Variants in MYLK3 observed in about 807,000 individuals in gnomAD.
MYLK3 encodes the protein MLC kinase.
Under a neutral mutation model 76.3 loss-of-function variants are expected in MYLK3, and 55 were observed. That is an observed-to-expected ratio of 0.72 (90% confidence interval 0.58 to 0.90). The LOEUF (loss-of-function observed/expected upper bound fraction) is 0.90, where lower values mean the gene tolerates loss of function less well. MYLK3 is among the 40% of genes least tolerant of loss of function. The probability of loss-of-function intolerance (pLI) is 0.00; values close to 1 mark genes in which losing one functional copy is unlikely to be tolerated. For synonymous variants in MYLK3, 416 were observed against 425.4 expected (o/e 0.98, Z 0.27); for missense variants, 973 against 1,053.6 (o/e 0.92, Z 1.06).
chr16:46,721,175 C>T lies in MYLK3; in HGVS notation c.1933G>A (p.Val645Ile), dbSNP rs763522795. The change falls in exon 9 of 13, where the codon GTC becomes ATC. Residue 645 changes from valine to isoleucine, a missense_variant. This residue lies in a region of MYLK3 where 332 missense variants were observed against 416.6 expected (regional missense o/e 0.80). Transcript: ENST00000394809. ...LDLKPENILC[V>I]NQTGHQIKII... is the part of the protein sequence containing the mutation. ...TTAATTTGATGTCCTGTCTGATTGA[C>T]GCACAATATGTTCTCCGGCTGGGAA... The T allele has an allele frequency of 2.6e-5, 42 of 1,614,086 alleles. No individual in the cohort carries two copies. The highest frequency in any genetic ancestry group is 1.6e-4 in the Middle Eastern group (1 of 6,084).
At position 46,737,840 on chromosome 16, in the gene MYLK3, C is replaced by A; in HGVS notation, c.872G>T (p.Ser291Ile). Reference protein sequence around the residue: ...APGAGQGASSSRPDPEPLEEG... With the variant: ...APGAGQGASSIRPDPEPLEEG... The stretch of plus-strand genomic sequence containing the variant: ...CTCTAAGGGCTCAGGGTCAGGCCTG[C>A]TGGACGATGCTCCTTGTCCTGCACC... Residue 291 changes from serine (S) to isoleucine (I), a missense_variant, in exon 3 of 13, where the codon AGC (serine) becomes ATC (isoleucine). Coordinates refer to ENST00000394809, the MANE Select transcript of MYLK3 (RefSeq NM_182493.3). The A allele has an allele frequency of 6.2e-7, 1 of 1,613,780 alleles. No individual in the cohort carries two copies. The highest frequency in any genetic ancestry group is 8.5e-7 in the Non-Finnish European group (1 of 1,180,050).
At chr16:46,740,642 C>T (rs962570869) in intron 1 of MYLK3, among the ~76,000 whole-genome samples, 1 of 150,916 alleles carries the variant, frequency 6.6e-6, no homozygotes, top group Non-Finnish European at 1.5e-5. Flanking sequence ...ACCGCTGCCT[C>T]CCAGGTTCAA....
At chr16:46,746,197 A>T (rs1967017668) in intron 1 of MYLK3, among the ~76,000 whole-genome samples, 1 of 152,014 alleles carries the variant, frequency 6.6e-6, no homozygotes, top group South Asian at 2.1e-4. Flanking sequence ...TCACCTCTAG[A>T]TTACTTATAA....
chr16:46,755,373 G>C (rs1967184683), intron 1 of MYLK3, among the ~76,000 whole-genome samples: 1 of 151,786 alleles, frequency 6.6e-6, no homozygotes, highest in African/African-American at 2.4e-5. Flanking sequence ...CAGGAGAATT[G>C]CTTGAACTTG....
upstream of MYLK3, among the ~76,000 whole-genome samples, chr16:46,751,615 G>C (rs1380154725): frequency 6.6e-6 from 1 of 152,186 alleles, no homozygotes; most frequent in Non-Finnish European, 1.5e-5. Flanking sequence ...AATGAGCTAA[G>C]GAGGAGGCAG....
chr16:46,732,597 G>A lies in MYLK3; in HGVS notation c.1073C>T (p.Pro358Leu), dbSNP rs1409946734. The A allele has an allele frequency of 1.3e-6, 2 of 1,587,222 alleles. No individual in the cohort carries two copies. The highest frequency in any genetic ancestry group is 3.5e-5 in the Admixed American group (2 of 57,900). Residue 358 changes from proline to leucine, a missense_variant, in exon 4 of 13, where the codon CCC (proline) becomes CTC (leucine). This residue lies in a region of MYLK3 where 641 missense variants were observed against 637.0 expected (regional missense o/e 1.01). Transcript: ENST00000394809. ...MLMTGRGSLG[P>L]TLTTEAPAAA... ...TGCTGGAGCCTCTGTGGTGAGGGTGGGTCCAAGGCTGCCCCTGCCTGTCAT... is the reference window on the plus strand; with the variant it reads ...TGCTGGAGCCTCTGTGGTGAGGGTGAGTCCAAGGCTGCCCCTGCCTGTCAT...
chr16:46,738,993 A>ACCATG (rs1431976295), intron 2 of MYLK3, among the ~76,000 whole-genome samples: 1 of 152,090 alleles, frequency 6.6e-6, no homozygotes, highest in Non-Finnish European at 1.5e-5. Flanking sequence ...GGCACATGCC[A>ACCATG]CCATGCCCAG....
intron 9 of MYLK3, among the ~76,000 whole-genome samples, chr16:46,713,833 G>A (rs756896012): frequency 1.4e-4 from 22 of 152,194 alleles, no homozygotes; most frequent in Non-Finnish European, 2.9e-4. Flanking sequence ...CGTGGTACTT[G>A]TCTTTCTGAG....
intron 9 of MYLK3, among the ~76,000 whole-genome samples, chr16:46,714,178 C>T (rs1966713602): frequency 6.6e-6 from 1 of 152,084 alleles, no homozygotes; most frequent in South Asian, 2.1e-4. Flanking sequence ...ACTTTATTTG[C>T]CAGATACTAT....
At chr16:46,747,119 C>T (rs867143254) in intron 1 of MYLK3, among the ~76,000 whole-genome samples, 1 of 152,190 alleles carries the variant, frequency 6.6e-6, no homozygotes, top group Non-Finnish European at 1.5e-5. Context: ...AGCAGCCAAG[C>T]TTCCATTAGC....
intron 1 of MYLK3, among the ~76,000 whole-genome samples, chr16:46,755,998 C>T (rs1417888550): frequency 6.8e-6 from 1 of 146,278 alleles, no homozygotes; most frequent in Non-Finnish European, 1.5e-5. Flanking sequence ...ACCTCCGCCT[C>T]CCGGGTTCAA....
In MYLK3 at chr16:46,737,930, C is replaced by G. The variant is rs1174433944; in HGVS notation, c.782G>C (p.Gly261Ala). The G allele has an allele frequency of 1.9e-6, 3 of 1,614,084 alleles. No homozygotes were observed. The African/African-American group carries it at 4.0e-5, about 22-fold the overall frequency. The change falls in exon 3 of 13, where the codon GGC becomes GCC. Residue 261 changes from glycine to alanine, a missense_variant. Gly to Ala is a moderately conservative substitution (Grantham distance 60, BLOSUM62 0). This residue lies in a region of MYLK3 where 641 missense variants were observed against 637.0 expected (regional missense o/e 1.01). Coordinates refer to ENST00000394809, the MANE Select transcript of MYLK3 (RefSeq NM_182493.3). ...GCCGGGTGCTGGAGCCAATTCCAGG[C>G]CAGTCCTGAGGTTCTCGCTGGGTGT... Reference protein sequence around the residue: ...PETPSENLRTGLELAPAPGRV... With the variant: ...PETPSENLRTALELAPAPGRV...
chr16:46,711,067 T>A (rs1057053651), intron 10 of MYLK3: 7 of 436,282 alleles, frequency 1.6e-5, no homozygotes, highest in Admixed American at 3.7e-5. Flanking sequence ...AAGAGTAAAA[T>A]TAGGGCCCAA....
At chr16:46,736,805 G>T (rs1220374309) in intron 3 of MYLK3, among the ~76,000 whole-genome samples, 1 of 152,172 alleles carries the variant, frequency 6.6e-6, no homozygotes, top group Non-Finnish European at 1.5e-5. Context: ...GAAACACCAG[G>T]TCCCTCCGAG....
In MYLK3 at chr16:46,729,721, C is replaced by A. The variant is rs1567285952; in HGVS notation, c.1569-34G>T. ...ACATAGCCACACGGCAGGCTGAGAG[C>A]CCAGAGGCTCATCCCACACCCATCC... On this transcript the variant is annotated intron_variant, in intron 5 of 12. Transcript: ENST00000394809. 12 of 1,589,636 alleles carry A rather than the reference C, an allele frequency of 7.5e-6. No homozygotes were observed. In the South Asian group the frequency reaches 1.3e-4, roughly 18 times the overall value.
upstream of MYLK3, among the ~76,000 whole-genome samples, chr16:46,752,010 A>G (rs1967131870): frequency 6.6e-6 from 1 of 152,190 alleles, no homozygotes; most frequent in African/African-American, 2.4e-5. Context: ...AGACCAGAGA[A>G]GAGGTAGCTG....
Position 46,702,363 on chromosome 16 carries a change from A to G in MYLK3, c.*5341T>C, listed in dbSNP as rs147938823. On this transcript the variant is annotated 3_prime_UTR_variant, in exon 13 of 13. Coordinates refer to ENST00000394809, the MANE Select transcript of MYLK3 (RefSeq NM_182493.3). Reference sequence around the variant, plus strand: ...ATGTTTTCAAATACATACAACAGTAAAGAGGACAGTATAATGAAACCCATA... The same window carrying G: ...ATGTTTTCAAATACATACAACAGTAGAGAGGACAGTATAATGAAACCCATA... Among the ~76,000 whole-genome samples the G allele has an allele frequency of 1.3e-3, 196 of 152,310 alleles. No individual in the cohort carries two copies. Among genetic ancestry groups the G allele is most frequent in the African/African-American group, 4.3e-3 (179 of 41,582 alleles).
intron 1 of MYLK3, among the ~76,000 whole-genome samples, chr16:46,754,966 G>A (rs548006670): frequency 2.7e-5 from 4 of 150,342 alleles, no homozygotes; most frequent in East Asian, 2.0e-4. Flanking sequence ...GTGTGATCTC[G>A]GCTCACTGCT....
At chr16:46,714,337 T>G (rs912050800) in intron 9 of MYLK3, among the ~76,000 whole-genome samples, 1 of 152,240 alleles carries the variant, frequency 6.6e-6, no homozygotes, top group Non-Finnish European at 1.5e-5. Context: ...CAATATGCCC[T>G]GCTTCCTTTA....
Sources: allele counts gnomAD v4.1 joint callset (sites outside exome capture counted in the v4.1 genomes callset), GRCh38; gene constraint gnomAD v4.1.1; regional missense constraint gnomAD v4.1.1; transcripts MANE v1.5; gene names NCBI Gene and HGNC (gene_info 2026-07-23, HGNC 2026-07-21).